Variants in VEGFC observed in about 807,000 individuals in gnomAD.
The protein encoded by VEGFC is vascular endothelial growth factor C.
Under a neutral mutation model 46.1 loss-of-function variants are expected in VEGFC, and 12 were observed. The ratio of observed to expected loss-of-function variants is 0.26; its 90% CI spans 0.17 to 0.42. VEGFC has a LOEUF of 0.42. Ranked by LOEUF, VEGFC falls within the 10% of genes least tolerant of loss-of-function variation. The pLI is 1.00. For missense variants in VEGFC, 488 were observed against 529.4 expected (o/e 0.92, Z 0.77); for synonymous variants, 232 against 195.5 (o/e 1.19, Z -1.56).
rs565013884 is a variant in VEGFC at position 176,708,893 on chromosome 4, T to C, written c.704+2606A>G. The stretch of plus-strand genomic sequence containing the variant: ...TGCTAAGCATTGCATAAGCATTCAG[T>C]ACTTCATTCAATCCTCTTTACATCT... On this transcript the variant is annotated intron_variant, in intron 4 of 6. Transcript: ENST00000618562. Among the ~76,000 whole-genome samples, 6 of 152,342 alleles carry C rather than the reference T, an allele frequency of 3.9e-5. 1 individual carries two copies. In the South Asian group the frequency reaches 1.2e-3, roughly 32 times the overall value.
chr4:176,752,673 T>G (rs949726415), intron 1 of VEGFC, among the ~76,000 whole-genome samples: 1 of 152,104 alleles, frequency 6.6e-6, no homozygotes, highest in African/African-American at 2.4e-5. Flanking sequence ...GTAAGTTATA[T>G]CACACAAAAC....
chr4:176,773,589 G>C (rs1393194619), intron 1 of VEGFC, among the ~76,000 whole-genome samples: 1 of 152,156 alleles, frequency 6.6e-6, no homozygotes, highest in African/African-American at 2.4e-5. Flanking sequence ...AAGAATAAAA[G>C]CAAAATTTTA....
chr4:176,766,196 GTT>G (rs1287287448), intron 1 of VEGFC, among the ~76,000 whole-genome samples: 1 of 152,116 alleles, frequency 6.6e-6, no homozygotes, highest in Non-Finnish European at 1.5e-5. Flanking sequence ...TAATATATCA[GTT>G]TTCCCCAAAT....
intron 1 of VEGFC, among the ~76,000 whole-genome samples, chr4:176,754,402 A>G (rs1301540733): frequency 6.6e-6 from 1 of 151,970 alleles, no homozygotes; most frequent in Non-Finnish European, 1.5e-5. Flanking sequence ...TCACTGGGCT[A>G]CGATCAAGGT....
At chr4:176,725,366 C>T (rs1218003084) in intron 3 of VEGFC, among the ~76,000 whole-genome samples, 1 of 152,088 alleles carries the variant, frequency 6.6e-6, no homozygotes, top group Non-Finnish European at 1.5e-5. Context: ...TGCAGTGGTG[C>T]AATCCTAGCA....
At chr4:176,723,576 C>G (rs1225394098) in intron 3 of VEGFC, among the ~76,000 whole-genome samples, 9 of 133,106 alleles carry the variant, frequency 6.8e-5, no homozygotes, top group South Asian at 2.5e-4. Context: ...GTTTGGGGGT[C>G]CATGTGCAGG....
intron 1 of VEGFC, among the ~76,000 whole-genome samples, chr4:176,774,962 A>G (rs1735791480): frequency 6.6e-6 from 1 of 152,230 alleles, no homozygotes; most frequent in East Asian, 1.9e-4. Context: ...GGCAAGCTTC[A>G]GCCCGATTGA....
intron 1 of VEGFC, among the ~76,000 whole-genome samples, chr4:176,751,203 A>C (rs1158425572): frequency 6.6e-6 from 1 of 151,904 alleles, no homozygotes; most frequent in Non-Finnish European, 1.5e-5. Flanking sequence ...AAATAGAGAG[A>C]GCCAAAAAAC....
At position 176,734,773 on chromosome 4, in the gene VEGFC, T is replaced by C. The variant is rs187263631; in HGVS notation, c.148-5027A>G. On this transcript the variant is annotated intron_variant, in intron 1 of 6. Coordinates refer to ENST00000618562, the MANE Select transcript of VEGFC (RefSeq NM_005429.5). ...TTAGAATGAACATGTGCGTTTATTATACATTCATATCCAAAATTGAGGGTT... is the reference window on the plus strand; with the variant it reads ...TTAGAATGAACATGTGCGTTTATTACACATTCATATCCAAAATTGAGGGTT... Among the ~76,000 whole-genome samples the C allele has an allele frequency of 6.6e-3, 1,006 of 151,954 alleles. 6 individuals are homozygous for C. The highest frequency in any genetic ancestry group is 0.023 in the African/African-American group (951 of 41,516).
chr4:176,700,287 C>T (rs979367387), intron 4 of VEGFC, among the ~76,000 whole-genome samples: 2 of 152,020 alleles, frequency 1.3e-5, no homozygotes, highest in Admixed American at 1.3e-4. Context: ...TGTGGTGGCA[C>T]GTGCTTGTAA....
chr4:176,780,449 T>C (rs10032506), intron 1 of VEGFC, among the ~76,000 whole-genome samples: 172 of 151,012 alleles, frequency 1.1e-3, no homozygotes, highest in African/African-American at 4.1e-3. Context: ...AATACCCATG[T>C]GTAATACACA....
chr4:176,713,467 T>C (rs915329210), intron 3 of VEGFC, among the ~76,000 whole-genome samples: 2 of 152,090 alleles, frequency 1.3e-5, no homozygotes, highest in African/African-American at 2.4e-5. Context: ...CAATTTTTAA[T>C]AAATTTATAA....
intron 1 of VEGFC, among the ~76,000 whole-genome samples, chr4:176,786,703 T>C (rs905347947): frequency 2.0e-5 from 3 of 152,228 alleles, no homozygotes; most frequent in Non-Finnish European, 4.4e-5. Context: ...TGAACTGTAA[T>C]TTCCTGCTTA....
chr4:176,705,696 T>C lies in VEGFC; in HGVS notation c.704+5803A>G, dbSNP rs143727960. Among the ~76,000 whole-genome samples the C allele has an allele frequency of 2.4e-3, 361 of 152,314 alleles. 8 individuals carry two copies. Among genetic ancestry groups the C allele is most frequent in the African/African-American group, 8.2e-3 (339 of 41,562 alleles). Reference sequence around the variant, plus strand: ...TTAGGCACTGTGCTAATATTTAACATGGATTGCTGGTTATAAAGATCACAA... The same window carrying C: ...TTAGGCACTGTGCTAATATTTAACACGGATTGCTGGTTATAAAGATCACAA... On this transcript the variant is annotated intron_variant, in intron 4 of 6. Coordinates refer to ENST00000618562, the MANE Select transcript of VEGFC (RefSeq NM_005429.5).
At chr4:176,720,419 C>T (rs1483152391) in intron 3 of VEGFC, among the ~76,000 whole-genome samples, 1 of 152,090 alleles carries the variant, frequency 6.6e-6, no homozygotes, top group Non-Finnish European at 1.5e-5. Context: ...ACCTTTGACC[C>T]CAAATTTGTT....
rs1401463659 is a variant in VEGFC, at chr4:176,792,630, C to T, written c.-319G>A. 2 of 248,642 alleles carry T rather than the reference C, an allele frequency of 8.0e-6. No individual in the cohort carries two copies. Among genetic ancestry groups the T allele is most frequent in the Non-Finnish European group, 1.5e-5 (2 of 131,732 alleles). 15.4% of individuals were successfully genotyped at this position (248,642 alleles called of 1,614,324 possible). ...CGAGGGAGGACGCCGCCGCGGTCCG[C>T]GTCGGTGTAGCTTTTTGGAGAGGCG... On this transcript the variant is annotated 5_prime_UTR_variant, in exon 1 of 7. Coordinates refer to ENST00000618562, the MANE Select transcript of VEGFC (RefSeq NM_005429.5). The surrounding 1 kb of genome is among the most constrained non-coding windows in gnomAD (Gnocchi z 6.3).
rs1217722115 is a variant in VEGFC, at chr4:176,697,710, C to T, written c.705-9783G>A. Among the ~76,000 whole-genome samples, 19 of 151,586 alleles carry T rather than the reference C, an allele frequency of 1.3e-4. No homozygotes were observed. In the South Asian group the frequency reaches 2.3e-3, roughly 18 times the overall value. On this transcript the variant is annotated intron_variant, in intron 4 of 6. Transcript: ENST00000618562. ...CGTATGTTTATTGCGGCATTATTCA[C>T]GATAGCAAAGACTTGGAACCAACCC...
intron 3 of VEGFC, among the ~76,000 whole-genome samples, chr4:176,718,882 C>A (rs1240151268): frequency 1.3e-5 from 2 of 152,102 alleles, no homozygotes; most frequent in Non-Finnish European, 2.9e-5. Context: ...AAATAATTTA[C>A]CCCCTGCAAA....
At chr4:176,711,711 T>A (rs1258858639) in intron 3 of VEGFC, 61 bp from the exon 4 acceptor site, 2 of 1,560,836 alleles carry the variant, frequency 1.3e-6, no homozygotes, top group East Asian at 4.5e-5. Context: ...ACTTTTATGG[T>A]AAATATTGGA....
Sources: gnomAD v4.1 joint callset for allele counts (sites outside exome capture counted in the v4.1 genomes callset) on GRCh38, gnomAD v4.1.1 for gene constraint, Gnocchi (gnomAD v3.1) non-coding constraint, MANE v1.5 for transcripts, NCBI Gene and HGNC (gene_info 2026-07-23, HGNC 2026-07-21) for gene names.